N4BP2: variants seen among roughly 807,000 people sequenced by gnomAD.
The protein encoded by N4BP2 is NEDD4 binding protein 2, also known as NEDD4-binding protein 2.
A neutral mutation model predicts 152.8 loss-of-function variants in N4BP2; 91 were observed. The ratio of observed to expected loss-of-function variants is 0.60; its 90% CI spans 0.50 to 0.71. N4BP2 has a LOEUF of 0.71. N4BP2 is among the 30% of genes least tolerant of loss of function. N4BP2 has a pLI of 0.00. For synonymous variants in N4BP2, 646 were observed against 705.3 expected (o/e 0.92, Z 1.33); for missense variants, 1,923 against 2,059.1 (o/e 0.93, Z 1.28).
intron 4 of N4BP2, among the ~76,000 whole-genome samples, chr4:40,105,990 A>G (rs1341868150): frequency 1.3e-5 from 2 of 152,250 alleles, no homozygotes; most frequent in African/African-American, 4.8e-5. Flanking sequence ...TGTAAGCTCC[A>G]TGAGTGCAAG....
the N4BP2 span, among the ~76,000 whole-genome samples, chr4:40,189,721 T>G: frequency 6.6e-6 from 1 of 152,012 alleles, no homozygotes; most frequent in African/African-American, 2.4e-5. This position sits in a 1 kb window ranked among gnomAD's most constrained non-coding sequence, Gnocchi z 4.3. Flanking sequence ...AAACCCCATC[T>G]CTACTAAAAA....
Position 40,077,965 on chromosome 4 carries a change from G to A in N4BP2, c.-115+4414G>A, listed in dbSNP as rs995221459. ...GCAAGGATATGACACGCAGATTCGT[G>A]AAGTGTTCCATATTTTTAGCTTCAG... On this transcript the variant is annotated intron_variant, in intron 2 of 17. Coordinates refer to ENST00000261435, the MANE Select transcript of N4BP2 (RefSeq NM_018177.6). 3.3e-5 allele frequency: 5 copies of A among 152,274 alleles called. No individual in the cohort carries two copies. The East Asian group carries it at 9.6e-4, about 29-fold the overall frequency. The allele number at this position is 152,274 out of a possible 1,614,324, so 9.4% of individuals were successfully genotyped here. A position where few individuals can be genotyped will look rare whatever the true frequency, so the allele number is the denominator to read the frequency against.
chr4:40,117,852 TCCCCTGG>T lies in N4BP2; in HGVS notation c.1665-16_1665-10del. On this transcript the variant is annotated splice_polypyrimidine_tract_variant and intron_variant, in intron 7 of 17. Transcript: ENST00000261435. ...TATCAATATTCCTTCAACCCTTTTT[TCCCCTGG>T]AATTTTCAGGCGTAACATTCATGGG... 1 of 1,585,934 alleles carries T rather than the reference TCCCCTGG, an allele frequency of 6.3e-7. No homozygotes were observed. The highest frequency in any genetic ancestry group is 1.2e-5 in the South Asian group (1 of 86,230).
At chr4:40,074,190 A>G (rs1453965600) in intron 2 of N4BP2, among the ~76,000 whole-genome samples, 2 of 151,782 alleles carry the variant, frequency 1.3e-5, no homozygotes, top group African/African-American at 2.4e-5. Flanking sequence ...TCCTGGGTTC[A>G]TGCAACTCTT....
chr4:40,109,456 G>A (rs1281323205), intron 5 of N4BP2, among the ~76,000 whole-genome samples: 1 of 152,292 alleles, frequency 6.6e-6, no homozygotes, highest in South Asian at 2.1e-4. Context: ...GGTGGCTCAT[G>A]CCTGTAATTC....
chr4:40,110,802 T>C (rs1716803589), intron 5 of N4BP2, among the ~76,000 whole-genome samples: 1 of 152,166 alleles, frequency 6.6e-6, no homozygotes, highest in Admixed American at 6.5e-5. Context: ...TATCCCAAAG[T>C]GCTGAGATCA....
rs1253828858 is a variant in N4BP2 at position 40,144,815 on chromosome 4, A to G, written c.5143+15A>G. The G allele has an allele frequency of 3.8e-6, 6 of 1,584,884 alleles. No individual in the cohort carries two copies. In the South Asian group the frequency reaches 6.9e-5, roughly 18 times the overall value. On this transcript the variant is annotated intron_variant, in intron 16 of 17. Transcript: ENST00000261435. ...GAAGACTGAAGGTAGGACTGTGGTA[A>G]TCACAAGTTTTCAATAGAATATATG...
At chr4:40,185,816 T>G in the N4BP2 span, among the ~76,000 whole-genome samples, 7 of 152,124 alleles carry the variant, frequency 4.6e-5, no homozygotes, top group Non-Finnish European at 1.0e-4. Flanking sequence ...CTACAATAAT[T>G]TAGGTAATAA....
At chr4:40,145,613 A>T (rs976589782) in intron 16 of N4BP2, among the ~76,000 whole-genome samples, 2 of 152,248 alleles carry the variant, frequency 1.3e-5, no homozygotes, top group Non-Finnish European at 2.9e-5. Flanking sequence ...TTATTATTTA[A>T]TCCAGAGAGA....
chr4:40,097,908 G>A (rs1579015525), intron 3 of N4BP2, among the ~76,000 whole-genome samples: 1 of 152,094 alleles, frequency 6.6e-6, no homozygotes, highest in African/African-American at 2.4e-5. Context: ...CCTATGCATT[G>A]TAGGTTTAGC....
chr4:40,094,937 G>A (rs1388183989), intron 2 of N4BP2, among the ~76,000 whole-genome samples: 1 of 152,034 alleles, frequency 6.6e-6, no homozygotes, highest in East Asian at 1.9e-4. Context: ...GGGACTACAG[G>A]TTAGTTCTTT....
At chr4:40,100,424 T>TG (rs57650677) in intron 3 of N4BP2, among the ~76,000 whole-genome samples, 3,094 of 151,784 alleles carry the variant, frequency 0.02, 113 homozygotes, top group African/African-American at 0.07. Flanking sequence ...TCGCCCAGGC[T>TG]GGAGCGCAGT....
Position 40,147,710 on chromosome 4 carries a change from C to T in N4BP2, c.5143+2910C>T, listed in dbSNP as rs1357257469. On this transcript the variant is annotated intron_variant, in intron 16 of 17. Transcript: ENST00000261435. ...CCCCCCACCTCCCTCCCAGACGGGG[C>T]GGCTGGCCCTCACTTCCCAGACGGG... Among the ~76,000 whole-genome samples the T allele has an allele frequency of 4.0e-5, 6 of 150,384 alleles. No homozygotes were observed. The South Asian group carries it at 1.3e-3, about 32-fold the overall frequency.
At chr4:40,092,933 C>T (rs528563739) in intron 2 of N4BP2, among the ~76,000 whole-genome samples, 4 of 150,324 alleles carry the variant, frequency 2.7e-5, no homozygotes, top group South Asian at 4.2e-4. Context: ...CATGAGCCAC[C>T]GTGCCCGGCC....
chr4:40,070,831 CTT>C (rs531129011), intron 1 of N4BP2, among the ~76,000 whole-genome samples: 1 of 143,782 alleles, frequency 7.0e-6, no homozygotes. Context: ...TTTTTTTCTT[CTT>C]TTTTTTTTTG....
intron 1 of N4BP2, among the ~76,000 whole-genome samples, chr4:40,071,332 T>G (rs920617095): frequency 3.3e-5 from 5 of 152,166 alleles, no homozygotes; most frequent in African/African-American, 4.8e-5. Context: ...TCTAAAGGTG[T>G]GAGTAGACTT....
At chr4:40,098,032 C>T (rs1715260708) in intron 3 of N4BP2, among the ~76,000 whole-genome samples, 1 of 152,280 alleles carries the variant, frequency 6.6e-6, no homozygotes, top group South Asian at 2.1e-4. Flanking sequence ...AATTGTACCT[C>T]GTTGAGAACC....
chr4:40,120,809 A>C lies in N4BP2; in HGVS notation c.2698A>C (p.Met900Leu). 1 of 1,614,178 alleles carries C rather than the reference A, an allele frequency of 6.2e-7. No homozygotes were observed. The highest frequency in any genetic ancestry group is 8.5e-7 in the Non-Finnish European group (1 of 1,180,024). Residue 900 changes from methionine (M) to leucine (L), a missense_variant, in exon 9 of 18, where the codon ATG becomes CTG. Transcript: ENST00000261435. ...AGCTCAGAGGGAACACAGATCAAGA[A>C]TGCCAAAGACTGGTTTAAGTGAGCC... ...SLAQREHRSR[M>L]PKTGLSEPNL...
At chr4:40,093,969 A>G (rs1293582775) in intron 2 of N4BP2, among the ~76,000 whole-genome samples, 1 of 152,150 alleles carries the variant, frequency 6.6e-6, no homozygotes, top group Admixed American at 6.5e-5. Flanking sequence ...TCCTGAGCTC[A>G]GAGTGGTCTG....
Sources: allele counts gnomAD v4.1 joint callset (sites outside exome capture counted in the v4.1 genomes callset), GRCh38; gene constraint gnomAD v4.1.1; non-coding constraint Gnocchi (gnomAD v3.1); transcripts MANE v1.5; gene names NCBI Gene and HGNC (gene_info 2026-07-23, HGNC 2026-07-21).